The following HYLS1 variants were observed in gnomAD, a reference collection of about 807,000 sequenced individuals.
HYLS1 encodes the protein centriolar and ciliogenesis-associated protein HYLS1.
In HYLS1, 25 loss-of-function variants were observed where a neutral mutation model predicts 29.4. The ratio of observed to expected loss-of-function variants is 0.85; its 90% CI spans 0.62 to 1.19. The LOEUF (loss-of-function observed/expected upper bound fraction) is 1.19. Ranked by LOEUF, HYLS1 falls within the 50% of genes most tolerant of loss-of-function variation. The pLI is 0.00. For synonymous variants in HYLS1, 128 were observed against 126.7 expected (o/e 1.01, Z -0.07); for missense variants, 352 against 365.1 (o/e 0.96, Z 0.29).
chr11:125,887,022 G>A (rs1189380356), upstream of HYLS1: 1 of 152,594 alleles, frequency 6.6e-6, no homozygotes, highest in Non-Finnish European at 1.5e-5. Context: ...TCGGTGGCTG[G>A]AGCACAGTTA....
rs142255787 is a variant in HYLS1, at chr11:125,899,785, G to T, written c.417G>T (p.Gln139His). Residue 139 changes from glutamine (Q) to histidine (H), a missense_variant, in exon 3 of 3, where the codon CAG becomes CAT. By Grantham distance (24) the Gln-to-His change is conservative (BLOSUM62 0). Transcript: ENST00000425380. ...WDLRQRLMNV[Q>H]FQEDKESSFD... Reference sequence around the variant, plus strand: ...TAAGACAAAGGCTGATGAATGTACAGTTCCAGGAAGACAAGGAATCTTCAT... The same window carrying T: ...TAAGACAAAGGCTGATGAATGTACATTTCCAGGAAGACAAGGAATCTTCAT... 112 of 1,614,072 alleles carry T rather than the reference G, an allele frequency of 6.9e-5. No individual in the cohort carries two copies. The highest frequency in any genetic ancestry group is 8.6e-5 in the Non-Finnish European group (102 of 1,180,020).
chr11:125,888,769 C>CAAAAAAAAAAAAAAAA (rs34094193), intron 1 of HYLS1, among the ~76,000 whole-genome samples: 1 of 34,656 alleles, frequency 2.9e-5, no homozygotes, highest in Non-Finnish European at 7.8e-5. Context: ...ACTCTTGTCT[C>CAAAAAAAAAAAAAAAA]AAAAAAAAAA....
chr11:125,889,726 A>G (rs1944377487), intron 1 of HYLS1, among the ~76,000 whole-genome samples: 1 of 151,432 alleles, frequency 6.6e-6, no homozygotes, highest in Admixed American at 6.6e-5. Context: ...CGACAGAGAG[A>G]GACTCGTCTC....
At chr11:125,889,128 G>A (rs1944364439) in intron 1 of HYLS1, among the ~76,000 whole-genome samples, 1 of 152,208 alleles carries the variant, frequency 6.6e-6, no homozygotes, top group African/African-American at 2.4e-5. Flanking sequence ...AAGAACGTCA[G>A]TTAAGCAGAT....
At chr11:125,884,806 AC>A (rs1324935234), upstream of HYLS1, among the ~76,000 whole-genome samples, 2 of 152,220 alleles carry the variant, frequency 1.3e-5, no homozygotes, top group African/African-American at 4.8e-5. Flanking sequence ...TATTGAGTTC[AC>A]TGGGCTTCAT....
upstream of HYLS1, among the ~76,000 whole-genome samples, chr11:125,886,767 C>T (rs1294120249): frequency 6.6e-6 from 1 of 151,262 alleles, no homozygotes; most frequent in South Asian, 2.1e-4. Context: ...CAAAATTAGC[C>T]GGGCATGGTG....
chr11:125,892,112 G>T (rs967417996), intron 2 of HYLS1, among the ~76,000 whole-genome samples: 1 of 152,030 alleles, frequency 6.6e-6, no homozygotes, highest in African/African-American at 2.4e-5. Flanking sequence ...AGAGGATCAG[G>T]GTCTTAGATC....
At chr11:125,886,300 G>A (rs1279647224), upstream of HYLS1, among the ~76,000 whole-genome samples, 1 of 152,172 alleles carries the variant, frequency 6.6e-6, no homozygotes, top group African/African-American at 2.4e-5. Context: ...GTAGCACAAA[G>A]GCCCTGAGGC....
chr11:125,884,332 G>A (rs1218086637), upstream of HYLS1, among the ~76,000 whole-genome samples: 5 of 152,086 alleles, frequency 3.3e-5, no homozygotes, highest in South Asian at 2.1e-4. Context: ...TATGTTGGCC[G>A]GGCGCGGTGG....
rs780805051 is a variant in HYLS1 at position 125,900,261 on chromosome 11, C to A, written c.893C>A (p.Pro298His). The change falls in exon 3 of 3, where the codon CCT becomes CAT. Residue 298 changes from proline to histidine, a missense_variant. Transcript: ENST00000425380. ...AGGAAGCTTCCCTTCCCTCTTTCTC[C>A]TTCTTAAATCTTTTTAAACTTCTTT... is the stretch of plus-strand genomic sequence containing the variant. ...IPRKLPFPLSPS is the reference protein window; with the variant it reads ...IPRKLPFPLSHS 4 of 1,613,714 alleles carry A rather than the reference C, an allele frequency of 2.5e-6. No homozygotes were observed. The African/African-American group carries it at 5.3e-5, about 22-fold the overall frequency.
chr11:125,889,492 G>C (rs1273112332), intron 1 of HYLS1, among the ~76,000 whole-genome samples: 2 of 152,182 alleles, frequency 1.3e-5, no homozygotes, highest in Non-Finnish European at 2.9e-5. Context: ...CAAGCACTTT[G>C]GGAGGCGGAG....
At chr11:125,888,509 C>T (rs528452689) in intron 1 of HYLS1, among the ~76,000 whole-genome samples, 1 of 152,126 alleles carries the variant, frequency 6.6e-6, no homozygotes, top group Non-Finnish European at 1.5e-5. Context: ...TGGCTCACGC[C>T]TGTTACCCCA....
At chr11:125,890,489 G>A (rs2134232028) in intron 1 of HYLS1, among the ~76,000 whole-genome samples, 1 of 152,288 alleles carries the variant, frequency 6.6e-6, no homozygotes, top group Non-Finnish European at 1.5e-5. Flanking sequence ...CTCCCCAGAG[G>A]TGGAGAAATT....
intron 2 of HYLS1, chr11:125,899,112 G>A: frequency 2.0e-6 from 1 of 494,874 alleles, no homozygotes; most frequent in African/African-American, 1.9e-5. Context: ...AGGACCTGAA[G>A]GTGGCAAGAC....
chr11:125,899,481 A>C lies in HYLS1; in HGVS notation c.113A>C (p.Asp38Ala), dbSNP rs537998831. Residue 38 changes from aspartate (D) to alanine (A), a missense_variant, in exon 3 of 3, where the codon GAT (aspartate) becomes GCT (alanine). By Grantham distance (126) the Asp-to-Ala change is moderately radical. Transcript: ENST00000425380. ...ATCTGTGCAGGGCAGGGTGAAGGAGATGTCAGGAGAGAAGCCCAATCTATC... is the reference window on the plus strand; with the variant it reads ...ATCTGTGCAGGGCAGGGTGAAGGAGCTGTCAGGAGAGAAGCCCAATCTATC... The part of the protein sequence containing the change: ...THICAGQGEG[D>A]VRREAQSIQY... 3 of 1,614,156 alleles carry C rather than the reference A, an allele frequency of 1.9e-6. No individual in the cohort carries two copies. In the African/African-American group the frequency reaches 4.0e-5, roughly 22 times the overall value.
rs761835897 is a variant in HYLS1 at position 125,899,928 on chromosome 11, T to C, written c.560T>C (p.Ile187Thr). The C allele has an allele frequency of 1.2e-6, 2 of 1,614,210 alleles. No homozygotes were observed. The highest frequency in any genetic ancestry group is 1.1e-5 in the South Asian group (1 of 91,086). The part of the protein sequence containing the change: ...MGSPAYEQDL[I>T]VASRPKSFIL... ...TCTCCAGCTTACGAACAAGACCTGATTGTTGCCAGCAGACCCAAGTCCTTT... is the reference window on the plus strand; with the variant it reads ...TCTCCAGCTTACGAACAAGACCTGACTGTTGCCAGCAGACCCAAGTCCTTT... Residue 187 changes from isoleucine (I) to threonine (T), a missense_variant, in exon 3 of 3, where the codon ATT (isoleucine) becomes ACT (threonine). Transcript: ENST00000425380.
At position 125,900,346 on chromosome 11, in the gene HYLS1, G is replaced by A. The variant is rs1262752750; in HGVS notation, c.*78G>A. On this transcript the variant is annotated 3_prime_UTR_variant, in exon 3 of 3. Transcript: ENST00000425380. ...TCTTCCCTTTTAAATAGAAACAACT[G>A]TCTTGAGAAGCTCTTCGAAACATTT... 7.2e-6 allele frequency: 10 copies of A among 1,394,912 alleles called. No homozygotes were observed. Among genetic ancestry groups the A allele is most frequent in the Non-Finnish European group, 1.0e-5 (10 of 987,890 alleles). 86.4% of individuals were successfully genotyped at this position (1,394,912 alleles called of 1,614,324 possible).
At chr11:125,883,914 A>C (rs1385440918), upstream of HYLS1, 1 of 152,248 alleles carries the variant, frequency 6.6e-6, no homozygotes, top group East Asian at 1.9e-4. Context: ...TGATACAACC[A>C]GTTGAAAGCA....
At chr11:125,892,973 C>T (rs1944454678) in intron 2 of HYLS1, among the ~76,000 whole-genome samples, 1 of 152,200 alleles carries the variant, frequency 6.6e-6, no homozygotes. Context: ...ATCTCTAACC[C>T]TTTATACAAA....
Sources: allele counts gnomAD v4.1 joint callset (sites outside exome capture counted in the v4.1 genomes callset), GRCh38; gene constraint gnomAD v4.1.1; transcripts MANE v1.5; gene names NCBI Gene and HGNC (gene_info 2026-07-23, HGNC 2026-07-21).